Variants in MYT1L observed in about 807,000 individuals in gnomAD.
The protein encoded by MYT1L is myelin transcription factor 1 like, also known as myelin transcription factor 1-like protein.
MYT1L carries 12 observed loss-of-function variants against 126.7 expected under a neutral mutation model. That is an observed-to-expected ratio of 0.09 (90% CI 0.06 to 0.15). The LOEUF is 0.15. Ranked by LOEUF, MYT1L falls within the 10% of genes least tolerant of loss-of-function variation. The pLI is 1.00. For missense variants in MYT1L, 979 were observed against 1,585.2 expected (o/e 0.62, Z 6.49); for synonymous variants, 541 against 604.2 (o/e 0.90, Z 1.53).
chr2:1,981,413 T>C (rs1194229563), intron 5 of MYT1L, among the ~76,000 whole-genome samples: 2 of 152,006 alleles, frequency 1.3e-5, no homozygotes, highest in Non-Finnish European at 2.9e-5. Flanking sequence ...TCCATGAGAA[T>C]TGTTTGTGTA....
At chr2:1,967,462 C>T (rs1041245796) in intron 8 of MYT1L, among the ~76,000 whole-genome samples, 3 of 152,246 alleles carry the variant, frequency 2.0e-5, no homozygotes, top group Non-Finnish European at 4.4e-5. Context: ...CCCTGACTCA[C>T]TGGTTCAGCC....
chr2:2,321,888 A>G (rs2096173614), intron 1 of MYT1L, among the ~76,000 whole-genome samples: 1 of 152,182 alleles, frequency 6.6e-6, no homozygotes. Context: ...TCAGTATGTA[A>G]TATTGAGTCC....
intron 3 of MYT1L, among the ~76,000 whole-genome samples, chr2:2,065,399 C>T (rs1323687545): frequency 6.6e-6 from 1 of 152,176 alleles, no homozygotes; most frequent in African/African-American, 2.4e-5. Flanking sequence ...CAGCACATCT[C>T]CTCTGTTACC....
intron 1 of MYT1L, chr2:2,327,011 A>T (rs1446670381): frequency 6.6e-6 from 1 of 152,186 alleles, no homozygotes; most frequent in East Asian, 1.9e-4. Context: ...ACAGAACCAC[A>T]TTGCATTGAA....
chr2:2,014,555 G>C (rs1473588618), intron 4 of MYT1L, among the ~76,000 whole-genome samples: 1 of 152,224 alleles, frequency 6.6e-6, no homozygotes, highest in Non-Finnish European at 1.5e-5. Context: ...AGGGAGCACA[G>C]GCGTCTGCTT....
chr2:2,307,351 G>A (rs2095871998), intron 1 of MYT1L, among the ~76,000 whole-genome samples: 1 of 152,100 alleles, frequency 6.6e-6, no homozygotes, highest in South Asian at 2.1e-4. Context: ...GTGGGGGTGT[G>A]TGGCGTCATG....
intron 4 of MYT1L, among the ~76,000 whole-genome samples, chr2:1,997,899 C>A (rs1454493855): frequency 2.0e-5 from 3 of 152,188 alleles, no homozygotes; most frequent in African/African-American, 7.2e-5. Context: ...TGTCATTTGG[C>A]CATCAATTGA....
chr2:1,874,593 C>A (rs1301931276), intron 18 of MYT1L, among the ~76,000 whole-genome samples: 1 of 152,182 alleles, frequency 6.6e-6, no homozygotes. Flanking sequence ...AGCGGCTGGG[C>A]CGGATGTCCT....
At chr2:2,330,347 A>G (rs1207582913) in intron 1 of MYT1L, among the ~76,000 whole-genome samples, 1 of 152,110 alleles carries the variant, frequency 6.6e-6, no homozygotes, top group African/African-American at 2.4e-5. Context: ...ATATTTACAT[A>G]TATATTTTTG....
chr2:2,324,155 C>T (rs1382573851), intron 1 of MYT1L: 1 of 152,182 alleles, frequency 6.6e-6, no homozygotes, highest in Non-Finnish European at 1.5e-5. Context: ...AGACAGGGAG[C>T]ACAGGACATA....
chr2:1,943,340 TA>T lies in MYT1L; in HGVS notation c.153-7del. 3 of 1,537,638 alleles carry T rather than the reference TA, an allele frequency of 2.0e-6. No homozygotes were observed. Among genetic ancestry groups the T allele is most frequent in the Non-Finnish European group, 2.6e-6 (3 of 1,144,216 alleles). On this transcript the variant is annotated splice_polypyrimidine_tract_variant and splice_region_variant and intron_variant, in intron 8 of 24. Coordinates refer to ENST00000647738, the MANE Select transcript of MYT1L (RefSeq NM_001303052.2). The surrounding 1 kb of genome is among the most constrained non-coding windows in gnomAD (Gnocchi z 4.4). ...CCAAGGGACAACCATATACACTAAT[TA>T]AAAAAATAGAGAAGGCAGGGGAGAG...
intron 2 of MYT1L, among the ~76,000 whole-genome samples, chr2:2,264,081 A>G (rs1324853091): frequency 6.6e-6 from 1 of 152,224 alleles, no homozygotes; most frequent in African/African-American, 2.4e-5. Flanking sequence ...TGGGCCAAAC[A>G]TCCATGGTGG....
At chr2:1,978,431 G>GA in intron 8 of MYT1L, among the ~76,000 whole-genome samples, 1 of 152,258 alleles carries the variant, frequency 6.6e-6, no homozygotes, top group East Asian at 1.9e-4. Flanking sequence ...ATAGCTTAGG[G>GA]AAAAAATGCT....
At position 2,288,445 on chromosome 2, in the gene MYT1L, C is replaced by A. The variant is rs956906852; in HGVS notation, c.-520-3942G>T. On this transcript the variant is annotated intron_variant, in intron 1 of 24. Transcript: ENST00000647738. ...TGTTTCTCATTATCTGGGTCCTCCA[C>A]ATCCATTCAAAGAGCAGGGCGTGCA... 5.7e-4 allele frequency among the ~76,000 whole-genome samples: 87 copies of A among 152,216 alleles called. 1 individual carries two copies. The highest frequency in any genetic ancestry group is 2.1e-3 in the African/African-American group (85 of 41,454).
Position 1,790,804 on chromosome 2 carries a change from A to G in MYT1L, c.*1063T>C, listed in dbSNP as rs2031950218. 1 of 155,780 alleles carries G rather than the reference A, an allele frequency of 6.4e-6. No individual in the cohort carries two copies. The highest frequency in any genetic ancestry group is 2.4e-5 in the African/African-American group (1 of 41,472). 9.6% of individuals were successfully genotyped at this position (155,780 alleles called of 1,614,324 possible). Reference sequence around the variant, plus strand: ...TCATTTGCCTTTATCCCTCAAATGTAAAATAAGAAGGTTCATAACAATAAT... The same window carrying G: ...TCATTTGCCTTTATCCCTCAAATGTGAAATAAGAAGGTTCATAACAATAAT... On this transcript the variant is annotated 3_prime_UTR_variant, in exon 25 of 25. Coordinates refer to ENST00000647738, the MANE Select transcript of MYT1L (RefSeq NM_001303052.2).
chr2:2,013,217 C>T (rs2064014360), intron 4 of MYT1L, among the ~76,000 whole-genome samples: 1 of 152,194 alleles, frequency 6.6e-6, no homozygotes, highest in Admixed American at 6.5e-5. Context: ...CAACTGAAGC[C>T]TCCTGAGCTA....
chr2:2,172,681 T>C (rs1192389716), intron 3 of MYT1L, among the ~76,000 whole-genome samples, 191 bp downstream of exon 3: 1 of 147,342 alleles, frequency 6.8e-6, no homozygotes, highest in Non-Finnish European at 1.5e-5. Context: ...CTGTACTCTG[T>C]CGCCAGGAGC....
intron 3 of MYT1L, among the ~76,000 whole-genome samples, chr2:2,063,581 C>T (rs1011603812): frequency 2.6e-5 from 4 of 152,186 alleles, no homozygotes; most frequent in South Asian, 2.1e-4. Context: ...CAGCGGCTCA[C>T]GCCTGTAATC....
rs1487917928 is a variant in MYT1L at position 1,917,046 on chromosome 2, C to T, written c.1618+159G>A. ...CCTGGGGCTGTGCCATTGGCATGCC[C>T]ACGAATCCTGGATCAGTTGCCCATC... is the stretch of plus-strand genomic sequence containing the variant. On this transcript the variant is annotated intron_variant, in intron 11 of 24. Coordinates refer to ENST00000647738, the MANE Select transcript of MYT1L (RefSeq NM_001303052.2). This position sits in a 1 kb window ranked among gnomAD's most constrained non-coding sequence, Gnocchi z 5.9. Among the ~76,000 whole-genome samples, 1 of 152,104 alleles carries T rather than the reference C, an allele frequency of 6.6e-6. No homozygotes were observed. Among genetic ancestry groups the T allele is most frequent in the Non-Finnish European group, 1.5e-5 (1 of 68,026 alleles).
Sources: gnomAD v4.1 joint callset for allele counts (sites outside exome capture counted in the v4.1 genomes callset) on GRCh38, gnomAD v4.1.1 for gene constraint, Gnocchi (gnomAD v3.1) non-coding constraint, MANE v1.5 for transcripts, NCBI Gene and HGNC (gene_info 2026-07-23, HGNC 2026-07-21) for gene names.